The following KCNQ1OT1 variants were observed in gnomAD, a reference collection of about 807,000 sequenced individuals.
The protein encoded by KCNQ1OT1 is KCNQ1 antisense RNA 2 (non-protein coding).
Position 2,626,461 on chromosome 11 carries a change from A to G in KCNQ1OT1, n.73534T>C, listed in dbSNP as rs969736500. ...GGTTTATTTTTGGGCTCTCTATTCA[A>G]TTCCATTGGTCTCTACATCTTTATG... On this transcript the variant is annotated non_coding_transcript_exon_variant, in exon 1 of 1. Coordinates refer to ENST00000597346, the Ensembl canonical transcript of KCNQ1OT1. This position sits in a 1 kb window ranked among gnomAD's most constrained non-coding sequence, Gnocchi z 4.0. 5.0e-6 allele frequency: 2 copies of G among 398,508 alleles called. No individual in the cohort carries two copies. Among genetic ancestry groups the G allele is most frequent in the African/African-American group, 2.1e-5 (1 of 48,632 alleles). The allele number at this position is 398,508 out of a possible 1,614,324, so 24.7% of individuals were successfully genotyped here. A position where few individuals can be genotyped will look rare whatever the true frequency, so the allele number is the denominator to read the frequency against.
exon 1 of KCNQ1OT1, chr11:2,614,591 A>G (rs775103549): frequency 7.5e-6 from 3 of 398,456 alleles, no homozygotes; most frequent in Non-Finnish European, 1.3e-5. Context: ...TCATTCTTTG[A>G]TATATGAGGA....
Position 2,677,338 on chromosome 11 carries a change from T to G in KCNQ1OT1, n.22657A>C, listed in dbSNP as rs1349312705. The G allele has an allele frequency of 2.5e-6, 1 of 398,568 alleles. No individual in the cohort carries two copies. Among genetic ancestry groups the G allele is most frequent in the Non-Finnish European group, 4.4e-6 (1 of 226,040 alleles). The allele number at this position is 398,568 out of a possible 1,614,324, so 24.7% of individuals were successfully genotyped here. On this transcript the variant is annotated non_coding_transcript_exon_variant, in exon 1 of 1. Coordinates refer to ENST00000597346, the Ensembl canonical transcript of KCNQ1OT1. The surrounding 1 kb of genome is among the most constrained non-coding windows in gnomAD (Gnocchi z 4.5). ...AAATGATGTCAAATGATTTCTCAAA[T>G]AGAGACTGGGCAGAGTAGACCAGTT...
chr11:2,644,623 G>A (rs923906425), exon 1 of KCNQ1OT1: 1 of 398,354 alleles, frequency 2.5e-6, no homozygotes, highest in African/African-American at 2.1e-5. Context: ...GCCTTTTCAT[G>A]TTTCTTGTGT....
At chr11:2,643,655 T>G (rs904048190) in exon 1 of KCNQ1OT1, 3 of 398,424 alleles carry the variant, frequency 7.5e-6, no homozygotes, top group Non-Finnish European at 1.3e-5. Flanking sequence ...TGCAAGGTTA[T>G]TGTTGATATG....
chr11:2,682,475 C>CGAGTAAGTGAGT lies in KCNQ1OT1; in HGVS notation n.17519_17520insACTCACTTACTC, dbSNP rs1850414802. ...TCACGGACCCTCAGTGAATGTTTGA[C>CGAGTAAGTGAGT]GAGTGAGTGAGTGAGTGAGTGAGTG... On this transcript the variant is annotated non_coding_transcript_exon_variant, in exon 1 of 1. Transcript: ENST00000597346. This position sits in a 1 kb window ranked among gnomAD's most constrained non-coding sequence, Gnocchi z 5.8. The CGAGTAAGTGAGT allele has an allele frequency of 7.7e-6, 3 of 389,392 alleles. No individual in the cohort carries two copies. 24.1% of individuals were successfully genotyped at this position (389,392 alleles called of 1,614,324 possible). A position where few individuals can be genotyped will look rare whatever the true frequency, so the allele number is the denominator to read the frequency against.
chr11:2,687,270 T>C lies in KCNQ1OT1; in HGVS notation n.12725A>G, dbSNP rs1385707657. 2 of 398,602 alleles carry C rather than the reference T, an allele frequency of 5.0e-6. No individual in the cohort carries two copies. Among genetic ancestry groups the C allele is most frequent in the Non-Finnish European group, 8.8e-6 (2 of 226,116 alleles). 24.7% of individuals were successfully genotyped at this position (398,602 alleles called of 1,614,324 possible). A position where few individuals can be genotyped will look rare whatever the true frequency, so the allele number is the denominator to read the frequency against. Reference sequence around the variant, plus strand: ...CTACCAGCTCCGGGCTTCTCTCCTCTGGCCTCCCACCTTGCAGCTTTGAGA... The same window carrying C: ...CTACCAGCTCCGGGCTTCTCTCCTCCGGCCTCCCACCTTGCAGCTTTGAGA... On this transcript the variant is annotated non_coding_transcript_exon_variant, in exon 1 of 1. Transcript: ENST00000597346. This position sits in a 1 kb window ranked among gnomAD's most constrained non-coding sequence, Gnocchi z 5.0.
exon 1 of KCNQ1OT1, chr11:2,622,424 A>G: frequency 2.5e-6 from 1 of 398,262 alleles, no homozygotes; most frequent in Admixed American, 4.4e-5. Context: ...TTCACTTTCA[A>G]TCTACTTGTG....
At position 2,623,327 on chromosome 11, in the gene KCNQ1OT1, T is replaced by A. The variant is rs1849204790; in HGVS notation, n.76668A>T. On this transcript the variant is annotated non_coding_transcript_exon_variant, in exon 1 of 1. Coordinates refer to ENST00000597346, the Ensembl canonical transcript of KCNQ1OT1. The surrounding 1 kb of genome is among the most constrained non-coding windows in gnomAD (Gnocchi z 5.2). The stretch of plus-strand genomic sequence containing the variant: ...ATAGCACTGTGAGAACGGACTAATA[T>A]GCATGTATCTACCATTATAGTATCA... The A allele has an allele frequency of 2.5e-6, 1 of 398,600 alleles. No individual in the cohort carries two copies. The highest frequency in any genetic ancestry group is 2.1e-5 in the African/African-American group (1 of 48,638). The allele number at this position is 398,600 out of a possible 1,614,324, so 24.7% of individuals were successfully genotyped here. A position where few individuals can be genotyped will look rare whatever the true frequency, so the allele number is the denominator to read the frequency against.
Position 2,668,322 on chromosome 11 carries a change from T to C in KCNQ1OT1, n.31673A>G. ...GTTGCGTTTCTGGGGAATATATGCC[T>C]ATGTGTGGAGCTGCAGGGTCCTGGG... On this transcript the variant is annotated non_coding_transcript_exon_variant, in exon 1 of 1. Transcript: ENST00000597346. The surrounding 1 kb of genome is among the most constrained non-coding windows in gnomAD (Gnocchi z 4.3). 1 of 398,646 alleles carries C rather than the reference T, an allele frequency of 2.5e-6. No individual in the cohort carries two copies. 24.7% of individuals were successfully genotyped at this position (398,646 alleles called of 1,614,324 possible). A position where few individuals can be genotyped will look rare whatever the true frequency, so the allele number is the denominator to read the frequency against.
At position 2,691,696 on chromosome 11, in the gene KCNQ1OT1, C is replaced by T. The variant is rs1850591042; in HGVS notation, n.8299G>A. On this transcript the variant is annotated non_coding_transcript_exon_variant, in exon 1 of 1. Coordinates refer to ENST00000597346, the Ensembl canonical transcript of KCNQ1OT1. This position sits in a 1 kb window ranked among gnomAD's most constrained non-coding sequence, Gnocchi z 6.4. ...ACCAGGTGGGGAAGGGGTCTCTCCC[C>T]ATCTGTCCAGGGGAGAGGCAGCCCA... is the stretch of plus-strand genomic sequence containing the variant. The T allele has an allele frequency of 5.0e-6, 2 of 398,428 alleles. No homozygotes were observed. Among genetic ancestry groups the T allele is most frequent in the Admixed American group, 4.4e-5 (1 of 22,710 alleles). The allele number at this position is 398,428 out of a possible 1,614,324, so 24.7% of individuals were successfully genotyped here.
At position 2,628,164 on chromosome 11, in the gene KCNQ1OT1, G is replaced by T. The variant is rs1029309255; in HGVS notation, n.71831C>A. 13 of 398,472 alleles carry T rather than the reference G, an allele frequency of 3.3e-5. No homozygotes were observed. In the Admixed American group the frequency reaches 5.3e-4, roughly 16 times the overall value. 24.7% of individuals were successfully genotyped at this position (398,472 alleles called of 1,614,324 possible). ...CTTAGATATACCCGGAACTGAGACT[G>T]CTGGATCATATAGCAGTTCCAATTT... On this transcript the variant is annotated non_coding_transcript_exon_variant, in exon 1 of 1. Transcript: ENST00000597346.
In KCNQ1OT1 at chr11:2,621,566, T is replaced by TG; in HGVS notation, n.78428dup. On this transcript the variant is annotated non_coding_transcript_exon_variant, in exon 1 of 1. Coordinates refer to ENST00000597346, the Ensembl canonical transcript of KCNQ1OT1. This position sits in a 1 kb window ranked among gnomAD's most constrained non-coding sequence, Gnocchi z 5.7. The stretch of plus-strand genomic sequence containing the variant: ...CTTTAGTTTACCACTGTGATCTCTT[T>TG]GCTATTGGTCTGTTCAGGCTTTCTA... 2.5e-6 allele frequency: 1 copy of TG among 398,572 alleles called. No individual in the cohort carries two copies. The highest frequency in any genetic ancestry group is 3.6e-5 in the East Asian group (1 of 28,052). 24.7% of individuals were successfully genotyped at this position (398,572 alleles called of 1,614,324 possible).
rs57981461 is a variant in KCNQ1OT1 at position 2,666,284 on chromosome 11, G to A, written n.33711C>T. On this transcript the variant is annotated non_coding_transcript_exon_variant, in exon 1 of 1. Coordinates refer to ENST00000597346, the Ensembl canonical transcript of KCNQ1OT1. ...ACCCCCGAGGCTGGGCAGAGGGGGT[G>A]GAAAGAAGGCAGAGGGAAAGCTGCA... 5.8e-3 allele frequency: 2,295 copies of A among 398,724 alleles called. 41 individuals carry two copies. The highest frequency in any genetic ancestry group is 0.043 in the African/African-American group (2,116 of 48,748). 24.7% of individuals were successfully genotyped at this position (398,724 alleles called of 1,614,324 possible).
rs1367289450 is a variant in KCNQ1OT1 at position 2,679,960 on chromosome 11, C to G, written n.20035G>C. 3 of 397,146 alleles carry G rather than the reference C, an allele frequency of 7.6e-6. No individual in the cohort carries two copies. Among genetic ancestry groups the G allele is most frequent in the Non-Finnish European group, 1.3e-5 (3 of 225,946 alleles). The allele number at this position is 397,146 out of a possible 1,614,324, so 24.6% of individuals were successfully genotyped here. ...CTAGGCGGGAATGCAGTGGCACAGT[C>G]TCGGCTTACTGCAACCTCTACCTCC... On this transcript the variant is annotated non_coding_transcript_exon_variant, in exon 1 of 1. Coordinates refer to ENST00000597346, the Ensembl canonical transcript of KCNQ1OT1. This position sits in a 1 kb window ranked among gnomAD's most constrained non-coding sequence, Gnocchi z 4.8.
At chr11:2,655,494 C>T in exon 1 of KCNQ1OT1, 2 of 398,676 alleles carry the variant, frequency 5.0e-6, no homozygotes, top group Non-Finnish European at 8.8e-6. Context: ...CCTGGATATC[C>T]AGATGAACTG....
rs765906775 is a variant in KCNQ1OT1, at chr11:2,641,929, A to C, written n.58066T>G. The C allele has an allele frequency of 1.3e-5, 5 of 398,478 alleles. No homozygotes were observed. In the East Asian group the frequency reaches 1.8e-4, roughly 14 times the overall value. 24.7% of individuals were successfully genotyped at this position (398,478 alleles called of 1,614,324 possible). On this transcript the variant is annotated non_coding_transcript_exon_variant, in exon 1 of 1. Coordinates refer to ENST00000597346, the Ensembl canonical transcript of KCNQ1OT1. ...TATGTTCTTGGCATCTTTGTCAAAA[A>C]TCAGTTGGCTGTAAATACATGGATT...
exon 1 of KCNQ1OT1, chr11:2,609,927 A>C (rs1315449222): frequency 1.0e-5 from 4 of 397,892 alleles, no homozygotes; most frequent in African/African-American, 4.1e-5. Flanking sequence ...CCTCATATAG[A>C]TGGAATACAG....
chr11:2,619,947 GTGTGGATAAGCC>G (rs1849137535), exon 1 of KCNQ1OT1: 1 of 359,040 alleles, frequency 2.8e-6, no homozygotes, highest in Non-Finnish European at 4.8e-6. Context: ...GAGGTTTGGA[GTGTGGATAAGCC>G]TATCACCCAG....
Position 2,659,742 on chromosome 11 carries a change from C to T in KCNQ1OT1, n.40253G>A, listed in dbSNP as rs1232624464. The T allele has an allele frequency of 1.0e-5, 4 of 398,346 alleles. No individual in the cohort carries two copies. Among genetic ancestry groups the T allele is most frequent in the Non-Finnish European group, 1.8e-5 (4 of 226,018 alleles). 24.7% of individuals were successfully genotyped at this position (398,346 alleles called of 1,614,324 possible). A position where few individuals can be genotyped will look rare whatever the true frequency, so the allele number is the denominator to read the frequency against. On this transcript the variant is annotated non_coding_transcript_exon_variant, in exon 1 of 1. Coordinates refer to ENST00000597346, the Ensembl canonical transcript of KCNQ1OT1. This position sits in a 1 kb window ranked among gnomAD's most constrained non-coding sequence, Gnocchi z 4.3. ...ACATATGAGAGTTCTACATGTTCCA[C>T]ATCCTCAAGAGTGGTTGGTATTGTC...
Sources: allele counts gnomAD v4.1 joint callset, GRCh38; gene constraint gnomAD v4.1.1; non-coding constraint Gnocchi (gnomAD v3.1); transcripts MANE v1.5; gene names NCBI Gene and HGNC (gene_info 2026-07-23, HGNC 2026-07-21).